Variants in RGS3 observed in about 807,000 individuals in gnomAD.
RGS3 encodes regulator of G-protein signalling 3.
A neutral mutation model predicts 132.6 loss-of-function variants in RGS3; 80 were observed. The ratio of observed to expected loss-of-function variants is 0.60; its 90% CI spans 0.50 to 0.73. The LOEUF (loss-of-function observed/expected upper bound fraction) is 0.73. Ranked by LOEUF, RGS3 falls within the 30% of genes least tolerant of loss-of-function variation. RGS3 has a pLI of 0.00. For missense variants in RGS3, 1,382 were observed against 1,530.8 expected (o/e 0.90, Z 1.62); for synonymous variants, 598 against 620.6 (o/e 0.96, Z 0.54).
At chr9:113,513,899 G>C (rs1485443074) in intron 14 of RGS3, among the ~76,000 whole-genome samples, 2 of 152,210 alleles carry the variant, frequency 1.3e-5, no homozygotes, top group African/African-American at 4.8e-5. Context: ...GCTGCAGAGA[G>C]TGGATTTTTG....
intron 19 of RGS3, among the ~76,000 whole-genome samples, chr9:113,574,153 A>G (rs551438571): frequency 6.6e-6 from 1 of 152,254 alleles, no homozygotes; most frequent in East Asian, 1.9e-4. Context: ...CTTTGTCATC[A>G]TTATCTGTTT....
chr9:113,481,487 T>TG (rs572372983), intron 4 of RGS3, among the ~76,000 whole-genome samples: 35 of 152,296 alleles, frequency 2.3e-4, no homozygotes, highest in South Asian at 2.3e-3. Context: ...GTCATGGCCA[T>TG]GGGGGGCCCA....
intron 1 of RGS3, among the ~76,000 whole-genome samples, chr9:113,446,580 C>T (rs1444464736): frequency 2.0e-5 from 3 of 152,154 alleles, no homozygotes; most frequent in Non-Finnish European, 4.4e-5. Context: ...CCATCATTTA[C>T]ATATATAAAT....
At chr9:113,467,675 G>GT (rs1449571049) in intron 3 of RGS3, among the ~76,000 whole-genome samples, 1 of 152,096 alleles carries the variant, frequency 6.6e-6, no homozygotes, top group African/African-American at 2.4e-5. Context: ...CTATCTGTGG[G>GT]TTTTTTTCAC....
chr9:113,594,496 C>A (rs61749208), exon 22 of RGS3: 17 of 1,613,586 alleles, frequency 1.1e-5, no homozygotes, highest in Non-Finnish European at 5.1e-6. Context: ...GAGCCCCTCC[C>A]GCGGGCAAGG....
At chr9:113,494,310 G>T (rs1830616692) in intron 7 of RGS3, among the ~76,000 whole-genome samples, 1 of 152,012 alleles carries the variant, frequency 6.6e-6, no homozygotes, top group Non-Finnish European at 1.5e-5. Context: ...CCACCTACCA[G>T]ATATGACCAT....
chr9:113,496,394 A>T lies in RGS3; in HGVS notation c.750+548A>T, dbSNP rs145373580. ...TTCTACGCTGCACTGGACTCCCCAA[A>T]CTGGAAGGTGGAGGGTGGGGAGCAC... On this transcript the variant is annotated intron_variant, in intron 8 of 24. Transcript: ENST00000350696. Among the ~76,000 whole-genome samples the T allele has an allele frequency of 7.6e-4, 115 of 152,102 alleles. 1 individual carries two copies. The highest frequency in any genetic ancestry group is 2.5e-3 in the African/African-American group (103 of 41,516).
chr9:113,510,742 AATG>A (rs1252719998), intron 14 of RGS3, among the ~76,000 whole-genome samples: 1 of 152,166 alleles, frequency 6.6e-6, no homozygotes, highest in East Asian at 1.9e-4. Context: ...CAAGTGAGGA[AATG>A]ATGATGATAT....
intron 10 of RGS3, among the ~76,000 whole-genome samples, chr9:113,499,339 C>T (rs528396026): frequency 2.0e-5 from 3 of 152,248 alleles, no homozygotes; most frequent in Admixed American, 6.5e-5. Flanking sequence ...CTGTTACTTC[C>T]GCATCTCACA....
intron 14 of RGS3, among the ~76,000 whole-genome samples, chr9:113,513,946 G>A (rs962996402): frequency 1.3e-5 from 2 of 152,126 alleles, no homozygotes; most frequent in Non-Finnish European, 2.9e-5. Context: ...GATTGGGCTG[G>A]GCTGAGCTTG....
chr9:113,500,687 CT>C (rs56957630), intron 10 of RGS3, among the ~76,000 whole-genome samples: 25,357 of 135,870 alleles, frequency 0.19, 2,057 homozygotes, highest in Non-Finnish European at 0.2. Context: ...AATAAATTGA[CT>C]TTTTTTTTTT....
chr9:113,538,029 C>T (rs1245362091), intron 19 of RGS3, among the ~76,000 whole-genome samples: 1 of 152,262 alleles, frequency 6.6e-6, no homozygotes, highest in Non-Finnish European at 1.5e-5. Context: ...GAGCCACCCT[C>T]TACCACCAAC....
intron 7 of RGS3, among the ~76,000 whole-genome samples, chr9:113,485,992 T>G (rs1253092504): frequency 6.6e-6 from 1 of 152,188 alleles, no homozygotes; most frequent in East Asian, 1.9e-4. Flanking sequence ...ACTGTTCACG[T>G]GGGGACACCA....
chr9:113,589,440 G>C (rs987846627), intron 20 of RGS3, among the ~76,000 whole-genome samples: 1 of 152,202 alleles, frequency 6.6e-6, no homozygotes, highest in Admixed American at 6.5e-5. Flanking sequence ...CCTCTGTCAG[G>C]CTGCTAGGCT....
At chr9:113,478,421 G>C (rs1361920918) in intron 3 of RGS3, among the ~76,000 whole-genome samples, 3 of 152,006 alleles carry the variant, frequency 2.0e-5, no homozygotes, top group Admixed American at 1.3e-4. Context: ...CTCTAGCAGG[G>C]ATCACTGTTT....
At chr9:113,583,278 T>C in intron 19 of RGS3, 172 bp from the exon 18 acceptor site, 18 of 1,197,072 alleles carry the variant, frequency 1.5e-5, no homozygotes, top group South Asian at 3.3e-5. Context: ...AGGGTGAGAA[T>C]TGTTACCCAG....
chr9:113,539,723 T>C (rs1188524864), intron 19 of RGS3, among the ~76,000 whole-genome samples: 1 of 152,222 alleles, frequency 6.6e-6, no homozygotes, highest in Admixed American at 6.5e-5. Flanking sequence ...TTCAAGAGTG[T>C]CTGCTGACAC....
In RGS3 at chr9:113,507,701, T is replaced by C. The variant is rs1264433637; in HGVS notation, c.1437+63T>C. On this transcript the variant is annotated intron_variant, in intron 13 of 24. Transcript: ENST00000350696. This position sits in a 1 kb window ranked among gnomAD's most constrained non-coding sequence, Gnocchi z 5.0. ...GGTCCCTGTGGGAGGCCAGGAAGAC[T>C]TGAAGACCCAAAGTTGTGTGATGAG... 4.7e-5 allele frequency: 63 copies of C among 1,332,778 alleles called. No homozygotes were observed. Among genetic ancestry groups the C allele is most frequent in the Non-Finnish European group, 5.9e-5 (59 of 1,003,078 alleles). The allele number at this position is 1,332,778 out of a possible 1,614,324, so 82.6% of individuals were successfully genotyped here. A position where few individuals can be genotyped will look rare whatever the true frequency, so the allele number is the denominator to read the frequency against.
At chr9:113,541,418 G>T in intron 19 of RGS3, 1 of 1,613,516 alleles carries the variant, frequency 6.2e-7, no homozygotes, top group South Asian at 1.1e-5. Flanking sequence ...GACAGACTCT[G>T]ATTGGCTGAG....
Sources: gnomAD v4.1 joint callset for allele counts (sites outside exome capture counted in the v4.1 genomes callset) on GRCh38, gnomAD v4.1.1 for gene constraint, Gnocchi (gnomAD v3.1) non-coding constraint, MANE v1.5 for transcripts, NCBI Gene and HGNC (gene_info 2026-07-23, HGNC 2026-07-21) for gene names.